Variants in RAB6B observed in about 807,000 individuals in gnomAD.
The protein encoded by RAB6B is RAB6B, member RAS oncogene family.
Under a neutral mutation model 31.2 loss-of-function variants are expected in RAB6B, and 7 were observed. The ratio of observed to expected loss-of-function variants is 0.22; its 90% CI spans 0.13 to 0.42. The LOEUF is 0.42. Among genes scored for constraint, RAB6B ranks in the 10% least tolerant of loss-of-function variants. RAB6B has a pLI of 1.00. For synonymous variants in RAB6B, 105 were observed against 104.9 expected, an observed-to-expected ratio of 1.00 and a Z score of -0.01; for missense variants, 149 against 280.6, an observed-to-expected ratio of 0.53 and a Z score of 3.35.
chr3:133,870,347 T>A (rs1284932829), intron 1 of RAB6B, among the ~76,000 whole-genome samples: 1 of 152,202 alleles, frequency 6.6e-6, no homozygotes, highest in Admixed American at 6.5e-5. Context: ...GGTCCTGTCC[T>A]TGACACGTGG....
At chr3:133,868,229 G>A (rs765841493) in intron 1 of RAB6B, among the ~76,000 whole-genome samples, 9 of 152,174 alleles carry the variant, frequency 5.9e-5, no homozygotes, top group African/African-American at 1.7e-4. Context: ...GGGGTGGAAG[G>A]TGCTAGAACC....
At chr3:133,862,597 G>A (rs952436541) in intron 2 of RAB6B, among the ~76,000 whole-genome samples, 1 of 152,216 alleles carries the variant, frequency 6.6e-6, no homozygotes, top group African/African-American at 2.4e-5. Context: ...GCAATGACAT[G>A]AGTCAAAGTG....
chr3:133,828,652 C>T lies in RAB6B; in HGVS notation c.*136G>A, dbSNP rs1935609636. 1 of 789,284 alleles carries T rather than the reference C, an allele frequency of 1.3e-6. No homozygotes were observed. Among genetic ancestry groups the T allele is most frequent in the African/African-American group, 1.7e-5 (1 of 59,076 alleles). The allele number at this position is 789,284 out of a possible 1,614,324, so 48.9% of individuals were successfully genotyped here. A position where few individuals can be genotyped will look rare whatever the true frequency, so the allele number is the denominator to read the frequency against. ...GCCCAGCCTCCCTCCCCATCCCACC[C>T]TACTCCTAAAGACAGAGAGAAAAGA... On this transcript the variant is annotated 3_prime_UTR_variant, in exon 8 of 8. Coordinates refer to ENST00000285208, the MANE Select transcript of RAB6B (RefSeq NM_016577.4).
chr3:133,838,333 C>T (rs552617040), intron 5 of RAB6B, 74 bp from the exon 6 acceptor site: 2 of 1,380,642 alleles, frequency 1.4e-6, no homozygotes, highest in Non-Finnish European at 2.1e-6. Context: ...AGGGACCCAC[C>T]CAGCAGGGCA....
intron 2 of RAB6B, among the ~76,000 whole-genome samples, chr3:133,855,850 T>TAG: frequency 6.6e-6 from 1 of 152,206 alleles, no homozygotes; most frequent in Admixed American, 6.5e-5. Flanking sequence ...TTGACTACTT[T>TAG]AGACTGTAAA....
rs534397183 is a variant in RAB6B, at chr3:133,827,933, T to C, written c.*855A>G. The C allele has an allele frequency of 1.4e-6, 1 of 702,848 alleles. No homozygotes were observed. The highest frequency in any genetic ancestry group is 2.7e-5 in the East Asian group (1 of 37,284). 43.5% of individuals were successfully genotyped at this position (702,848 alleles called of 1,614,324 possible). ...GTTAAAATATTTTCAGAAGTACACA[T>C]GGCACCCCAGTCTATAAACCACGCA... On this transcript the variant is annotated 3_prime_UTR_variant, in exon 8 of 8. Transcript: ENST00000285208.
chr3:133,867,408 G>A (rs1936253469), intron 1 of RAB6B, among the ~76,000 whole-genome samples: 1 of 152,152 alleles, frequency 6.6e-6, no homozygotes, highest in African/African-American at 2.4e-5. Context: ...CAGCAACACT[G>A]GGTACCATAC....
At chr3:133,884,020 G>C (rs1936504432) in intron 1 of RAB6B, among the ~76,000 whole-genome samples, 1 of 151,882 alleles carries the variant, frequency 6.6e-6, no homozygotes, top group African/African-American at 2.4e-5. Context: ...CACCTCTGCT[G>C]AGCACCAAGA....
intron 1 of RAB6B, among the ~76,000 whole-genome samples, chr3:133,881,842 A>G (rs1003191250): frequency 4.6e-5 from 7 of 152,226 alleles, no homozygotes; most frequent in African/African-American, 1.4e-4. Flanking sequence ...AGGCCATCTC[A>G]GGTGTCACCT....
intron 1 of RAB6B, among the ~76,000 whole-genome samples, chr3:133,866,170 A>G (rs928302617): frequency 3.9e-5 from 6 of 152,240 alleles, no homozygotes; most frequent in Non-Finnish European, 7.3e-5. Flanking sequence ...CAGGTAACTG[A>G]GCAAGGTAAG....
chr3:133,839,498 G>T lies in RAB6B; in HGVS notation c.401+8C>A. 1.2e-6 allele frequency: 2 copies of T among 1,605,904 alleles called. No homozygotes were observed. The highest frequency in any genetic ancestry group is 1.1e-5 in the South Asian group (1 of 90,926). On this transcript the variant is annotated splice_region_variant and intron_variant, in intron 5 of 7. Coordinates refer to ENST00000285208, the MANE Select transcript of RAB6B (RefSeq NM_016577.4). ...TGGCACCCTGCACCTGTGTGCCCTT[G>T]CACCTACCTCTTATCAGCCAGGTCC... is the stretch of plus-strand genomic sequence containing the variant.
Position 133,831,003 on chromosome 3 carries a change from C to T in RAB6B, c.563-2151G>A, listed in dbSNP as rs576316860. 2.7e-4 allele frequency among the ~76,000 whole-genome samples: 41 copies of T among 152,322 alleles called. 1 individual carries two copies. Among genetic ancestry groups the T allele is most frequent in the African/African-American group, 8.4e-4 (35 of 41,570 alleles). On this transcript the variant is annotated intron_variant, in intron 7 of 7. Transcript: ENST00000285208. ...GGAGGGGAGGGAAGGGCTATCAGTC[C>T]TGGTTGAGAACTAGTGGTCTAGCTT... is the stretch of plus-strand genomic sequence containing the variant.
intron 2 of RAB6B, among the ~76,000 whole-genome samples, chr3:133,853,807 A>G (rs546867741): frequency 6.6e-6 from 1 of 152,322 alleles, no homozygotes; most frequent in East Asian, 1.9e-4. Flanking sequence ...AGTTAGAGAA[A>G]GTGAAGATAA....
chr3:133,853,251 A>G (rs1936027073), intron 2 of RAB6B, among the ~76,000 whole-genome samples: 1 of 152,128 alleles, frequency 6.6e-6, no homozygotes, highest in Non-Finnish European at 1.5e-5. Flanking sequence ...GTGTGAGCAG[A>G]CACGTGGATG....
chr3:133,868,464 G>A (rs1936271505), intron 1 of RAB6B, among the ~76,000 whole-genome samples: 1 of 152,160 alleles, frequency 6.6e-6, no homozygotes, highest in South Asian at 2.1e-4. Context: ...GAGTTTCTGC[G>A]GGAGCTGTCC....
rs757831307 is a variant in RAB6B, at chr3:133,838,271, G to A, written c.402-12C>T. The A allele has an allele frequency of 1.5e-5, 24 of 1,609,552 alleles. No homozygotes were observed. In the Admixed American group the frequency reaches 3.8e-4, roughly 26 times the overall value. ...CGATGGTTATCTGCCTAGAGATGAG[G>A]GGAAGGGGGGAAATCAGCTCAGCAG... On this transcript the variant is annotated splice_polypyrimidine_tract_variant and intron_variant, in intron 5 of 7. Transcript: ENST00000285208.
intron 1 of RAB6B, among the ~76,000 whole-genome samples, chr3:133,873,417 C>T (rs1331484584): frequency 6.6e-6 from 1 of 151,956 alleles, no homozygotes; most frequent in Admixed American, 6.5e-5. Context: ...TGCTTTTTTT[C>T]CCCCAGAGGC....
At chr3:133,842,779 T>C (rs1199554633) in intron 2 of RAB6B, among the ~76,000 whole-genome samples, 1 of 152,262 alleles carries the variant, frequency 6.6e-6, no homozygotes, top group East Asian at 1.9e-4. Flanking sequence ...ACGGTCTGAA[T>C]AGTGACAGAG....
chr3:133,895,492 G>A lies in RAB6B; in HGVS notation c.-26C>T, dbSNP rs1576414151. On this transcript the variant is annotated 5_prime_UTR_variant, in exon 1 of 8. Coordinates refer to ENST00000285208, the MANE Select transcript of RAB6B (RefSeq NM_016577.4). Reference sequence around the variant, plus strand: ...GGTGCTGGCAGCCGGGGCCGGGAGAGGAGGAGGAGGAAAAAGCGAAGGAGC... The same window carrying A: ...GGTGCTGGCAGCCGGGGCCGGGAGAAGAGGAGGAGGAAAAAGCGAAGGAGC... The A allele has an allele frequency of 2.5e-6, 4 of 1,598,954 alleles. No individual in the cohort carries two copies. Among genetic ancestry groups the A allele is most frequent in the Middle Eastern group, 3.3e-4 (2 of 6,042 alleles).
Sources: allele counts gnomAD v4.1 joint callset (sites outside exome capture counted in the v4.1 genomes callset), GRCh38; gene constraint gnomAD v4.1.1; transcripts MANE v1.5; gene names NCBI Gene and HGNC (gene_info 2026-07-23, HGNC 2026-07-21).